Variants in WDR11 observed in about 807,000 individuals in gnomAD.
WDR11 encodes WD repeat-containing protein 11.
Under a neutral mutation model 151.2 loss-of-function variants are expected in WDR11, and 83 were observed. The ratio of observed to expected loss-of-function variants is 0.55; its 90% CI spans 0.46 to 0.66. The LOEUF is 0.66. WDR11 is among the 30% of genes least tolerant of loss of function. The pLI is 0.00. For missense variants in WDR11, 1,301 were observed against 1,480.9 expected (o/e 0.88, Z 1.99); for synonymous variants, 484 against 533.1 (o/e 0.91, Z 1.27).
rs761894366 is a variant in WDR11, at chr10:120,871,360, C to T, written c.1471+14C>T. ...TGCTGGCTGTTGGTGAGTATTTGAC[C>T]TGGTCTTTTTTTTTTTAACTCACTT... On this transcript the variant is annotated intron_variant, in intron 10 of 28. Coordinates refer to ENST00000263461, the MANE Select transcript of WDR11 (RefSeq NM_018117.12). 1 of 1,612,136 alleles carries T rather than the reference C, an allele frequency of 6.2e-7. No homozygotes were observed. The highest frequency in any genetic ancestry group is 8.5e-7 in the Non-Finnish European group (1 of 1,179,206).
chr10:120,908,337 G>GTAA, intron 28 of WDR11: 1 of 573,648 alleles, frequency 1.7e-6, no homozygotes, highest in East Asian at 3.1e-5. Context: ...GGTACGAAAG[G>GTAA]TAATGATGGT....
Position 120,878,377 on chromosome 10 carries a change from T to C in WDR11, c.1581T>C (p.Thr527=). The change falls in exon 12 of 29, where the codon ACT becomes ACC. Residue 527 remains threonine, a synonymous_variant. Transcript: ENST00000263461. The stretch of plus-strand genomic sequence containing the variant: ...GGGGTATTGAATGGACAAGTTTGAC[T>C]AGTTTTCTTTCTTTTGCTACCTCAA... ...EVKGIEWTSL[T]SFLSFATSTP... is the part of the protein sequence containing the mutation. 1 of 1,612,988 alleles carries C rather than the reference T, an allele frequency of 6.2e-7. No homozygotes were observed. Among genetic ancestry groups the C allele is most frequent in the Non-Finnish European group, 8.5e-7 (1 of 1,179,290 alleles).
At chr10:120,889,032 T>C (rs1476906228) in intron 16 of WDR11, 46 bp from the exon 17 acceptor site, 1 of 1,328,696 alleles carries the variant, frequency 7.5e-7, no homozygotes, top group Middle Eastern at 1.8e-4. Context: ...TAATGTCTTA[T>C]ACAGCATAGT....
chr10:120,874,221 T>TG (rs1269219045), intron 11 of WDR11, among the ~76,000 whole-genome samples: 1 of 127,638 alleles, frequency 7.8e-6, no homozygotes, highest in African/African-American at 3.2e-5. Context: ...TGTTTTGTTT[T>TG]GTTTTGTTTT....
At chr10:120,907,147 GA>G in intron 28 of WDR11, 1 of 384,088 alleles carries the variant, frequency 2.6e-6, no homozygotes, top group South Asian at 2.9e-5. Context: ...GAAGATGAAG[GA>G]ATGATTTGGG....
At chr10:120,876,682 A>G (rs922132064) in intron 11 of WDR11, among the ~76,000 whole-genome samples, 1 of 151,938 alleles carries the variant, frequency 6.6e-6, no homozygotes, top group Admixed American at 6.6e-5. Context: ...GTTTCCTTTT[A>G]TGGTCAGCAC....
rs374474111 is a variant in WDR11, at chr10:120,908,591, C to T, written c.3553C>T (p.Arg1185Trp). The T allele has an allele frequency of 1.7e-5, 27 of 1,614,032 alleles. No homozygotes were observed. Among genetic ancestry groups the T allele is most frequent in the Admixed American group, 1.7e-4 (10 of 59,992 alleles). The change falls in exon 29 of 29, where the codon CGG becomes TGG. Residue 1185 changes from arginine (R) to tryptophan (W), a missense_variant. Around this residue, in one of 3 missense-constraint regions of WDR11, gnomAD observed 589 missense variants for 670.6 expected, o/e 0.88. Coordinates refer to ENST00000263461, the MANE Select transcript of WDR11 (RefSeq NM_018117.12). Reference protein sequence around the residue: ...LITAIYADYARSLKNLGFKQG... With the variant: ...LITAIYADYAWSLKNLGFKQG... The stretch of plus-strand genomic sequence containing the variant: ...CACTGCTATATATGCAGATTATGCC[C>T]GGAGTTTGAAGAACCTCGGTTTTAA...
chr10:120,891,708 A>C (rs1236449469), intron 19 of WDR11, among the ~76,000 whole-genome samples: 2 of 152,224 alleles, frequency 1.3e-5, no homozygotes, highest in Admixed American at 1.3e-4. Flanking sequence ...CTTCAGACAC[A>C]GTAAGGTTTT....
rs1848175696 is a variant in WDR11 at position 120,908,790 on chromosome 10, G to A, written c.*77G>A. 6.5e-7 allele frequency: 1 copy of A among 1,531,664 alleles called. No homozygotes were observed. Among genetic ancestry groups the A allele is most frequent in the Admixed American group, 1.7e-5 (1 of 59,808 alleles). 94.9% of individuals were successfully genotyped at this position (1,531,664 alleles called of 1,614,324 possible). The stretch of plus-strand genomic sequence containing the variant: ...TGGTCTGGCTGTGGCCACCGTCACA[G>A]TCCAGGATGAAGAGGAGTACAGGGT... On this transcript the variant is annotated 3_prime_UTR_variant, in exon 29 of 29. Transcript: ENST00000263461.
rs766422678 is a variant in WDR11, at chr10:120,852,539, A to G, written c.102A>G (p.Leu34=). The G allele has an allele frequency of 1.2e-6, 2 of 1,614,004 alleles. No individual in the cohort carries two copies. Among genetic ancestry groups the G allele is most frequent in the Non-Finnish European group, 1.7e-6 (2 of 1,179,936 alleles). Residue 34 remains leucine (L), a synonymous_variant, in exon 2 of 29, where the codon TTA becomes TTG. Transcript: ENST00000263461. ...GTTTTGCTAGGGGCTGGCAAGGTTT[A>G]ATTGCTTATGGATGTCATTCACTTG... is the stretch of plus-strand genomic sequence containing the variant. The part of the protein sequence containing the change: ...KAAVDWGWQG[L]IAYGCHSLVV...
At chr10:120,873,974 A>C in intron 11 of WDR11, 51 bp downstream of exon 11, 2 of 1,298,604 alleles carry the variant, frequency 1.5e-6, no homozygotes, top group Non-Finnish European at 2.2e-6. Context: ...TCAGAAAAAA[A>C]ATTCTCATAG....
At chr10:120,852,763 G>C (rs1417517220) in intron 2 of WDR11, 128 bp downstream of exon 2, 3 of 787,872 alleles carry the variant, frequency 3.8e-6, no homozygotes, top group Non-Finnish European at 6.3e-6. Flanking sequence ...ACCTATTTGG[G>C]GTAGCCTAGA....
rs4752469 is a variant in WDR11, at chr10:120,884,085, C to A, written c.1848+197C>A. ...AAATCAACCTAATATCATATTAGTG[C>A]AATTCCAATTCAAGTTTCATTTGGA... is the stretch of plus-strand genomic sequence containing the variant. On this transcript the variant is annotated intron_variant, in intron 14 of 28. Transcript: ENST00000263461. Among the ~76,000 whole-genome samples, 56,531 of 151,842 alleles carry A rather than the reference C, an allele frequency of 0.37. 10,617 individuals are homozygous for A. Among genetic ancestry groups the A allele is most frequent in the Admixed American group, 0.44 (6,696 of 15,252 alleles).
chr10:120,851,623 C>T, intron 1 of WDR11, 117 bp downstream of exon 1: 1 of 1,257,588 alleles, frequency 8.0e-7, no homozygotes, highest in African/African-American at 1.5e-5. Context: ...CAGGGAGCCG[C>T]CCTCACGCAA....
In WDR11 at chr10:120,908,670, T is replaced by C. The variant is rs771157292; in HGVS notation, c.3632T>C (p.Leu1211Ser). 8 of 1,614,210 alleles carry C rather than the reference T, an allele frequency of 5.0e-6. No individual in the cohort carries two copies. Among genetic ancestry groups the C allele is most frequent in the Non-Finnish European group, 5.1e-6 (6 of 1,180,042 alleles). ...GCCGGAGCAGCTGGCAAAGACTTAT[T>C]GAATGAGCTTGAGTCCCCCAAGGAA... is the stretch of plus-strand genomic sequence containing the variant. ...SKAGAAGKDL[L>S]NELESPKEEP... Residue 1211 changes from leucine to serine, a missense_variant, in exon 29 of 29, where the codon TTG becomes TCG. This residue lies in a region of WDR11 where 589 missense variants were observed against 670.6 expected (regional missense o/e 0.88). Transcript: ENST00000263461.
chr10:120,861,121 A>T (rs1846121934), intron 4 of WDR11, among the ~76,000 whole-genome samples: 1 of 152,224 alleles, frequency 6.6e-6, no homozygotes, highest in African/African-American at 2.4e-5. Flanking sequence ...CTTCACTTTG[A>T]TAATGATCAG....
chr10:120,883,760 A>G lies in WDR11; in HGVS notation c.1740-20A>G, dbSNP rs750473101. On this transcript the variant is annotated intron_variant, in intron 13 of 28. Coordinates refer to ENST00000263461, the MANE Select transcript of WDR11 (RefSeq NM_018117.12). ...AATTTTTGCAAAAAGGGGCTTATTT[A>G]GTAATTTTGTTTATTTTAGGCAGTA... 1.7e-5 allele frequency: 27 copies of G among 1,610,324 alleles called. No homozygotes were observed. Among genetic ancestry groups the G allele is most frequent in the Non-Finnish European group, 2.2e-5 (26 of 1,177,062 alleles).
intron 21 of WDR11, 52 bp from the exon 22 acceptor site, chr10:120,902,205 T>C: frequency 6.8e-7 from 1 of 1,480,276 alleles, no homozygotes; most frequent in Non-Finnish European, 9.4e-7. Flanking sequence ...CCCCATGCTT[T>C]ATTGTTTGAT....
At chr10:120,879,582 A>G (rs1040708247) in intron 12 of WDR11, 5 of 152,230 alleles carry the variant, frequency 3.3e-5, no homozygotes, top group African/African-American at 1.2e-4. Flanking sequence ...TCTGCTTTGC[A>G]CAGATGTATT....
Sources: allele counts gnomAD v4.1 joint callset (sites outside exome capture counted in the v4.1 genomes callset), GRCh38; gene constraint gnomAD v4.1.1; regional missense constraint gnomAD v4.1.1; transcripts MANE v1.5; gene names NCBI Gene and HGNC (gene_info 2026-07-23, HGNC 2026-07-21).